The following NRXN1 variants were observed in gnomAD, a reference collection of about 807,000 sequenced individuals.
The protein encoded by NRXN1 is neurexin-1.
Under a neutral mutation model 150.9 loss-of-function variants are expected in NRXN1, and 39 were observed. The ratio of observed to expected loss-of-function variants is 0.26; its 90% CI spans 0.20 to 0.34. The LOEUF (loss-of-function observed/expected upper bound fraction) is 0.34. Ranked by LOEUF, NRXN1 falls within the 10% of genes least tolerant of loss-of-function variation. The probability of loss-of-function intolerance (pLI) is 1.00; values close to 1 mark genes in which losing one functional copy is unlikely to be tolerated. For synonymous variants in NRXN1, 924 were observed against 757.0 expected (o/e 1.22, Z -3.62); for missense variants, 1,815 against 1,949.9 (o/e 0.93, Z 1.30).
chr2:50,597,967 C>T (rs1260595030), intron 8 of NRXN1, among the ~76,000 whole-genome samples: 1 of 151,946 alleles, frequency 6.6e-6, no homozygotes, highest in Non-Finnish European at 1.5e-5. Flanking sequence ...GGTGAAACGT[C>T]ATCTTTACCA....
chr2:50,281,612 C>T (rs1308467987), intron 17 of NRXN1, among the ~76,000 whole-genome samples: 1 of 151,966 alleles, frequency 6.6e-6, no homozygotes, highest in East Asian at 1.9e-4. Flanking sequence ...TGTTCCTGGT[C>T]CCTGCACTAA....
Position 49,974,275 on chromosome 2 carries a change from CG to C in NRXN1, c.4129-30485del, listed in dbSNP as rs1460006449. The C allele has an allele frequency of 2.9e-5, 17 of 581,702 alleles. No individual in the cohort carries two copies. The Admixed American group carries it at 4.0e-4, about 14-fold the overall frequency. The allele number at this position is 581,702 out of a possible 1,614,324, so 36.0% of individuals were successfully genotyped here. ...ACGGCAGGAAGGGATGCTGCAGTTC[CG>C]TCTGCAGTTGACGAGGCTGTTGGTA... On this transcript the variant is annotated intron_variant, in intron 21 of 22. Coordinates refer to ENST00000401669, the MANE Select transcript of NRXN1 (RefSeq NM_001330078.2).
intron 5 of NRXN1, among the ~76,000 whole-genome samples, chr2:50,864,342 T>C (rs1360247783): frequency 6.6e-6 from 1 of 152,054 alleles, no homozygotes; most frequent in Non-Finnish European, 1.5e-5. Flanking sequence ...CAGCCTGATT[T>C]CAAGCTCCCT....
chr2:50,247,438 T>A (rs568719128), intron 17 of NRXN1, among the ~76,000 whole-genome samples: 1 of 152,248 alleles, frequency 6.6e-6, no homozygotes, highest in Admixed American at 6.5e-5. Context: ...AACCAGGTGA[T>A]CAAAGCTAGC....
In NRXN1 at chr2:50,512,219, C is replaced by T. The variant is rs185723795; in HGVS notation, c.2375-5602G>A. On this transcript the variant is annotated intron_variant, in intron 12 of 22. Transcript: ENST00000401669. ...TGCAAGCTTTTTATTTTTATTATTA[C>T]TGTTACTAATTTCATCACTTTTGTT... Among the ~76,000 whole-genome samples the T allele has an allele frequency of 3.2e-4, 48 of 152,186 alleles. 1 individual carries two copies. The East Asian group carries it at 8.9e-3, about 28-fold the overall frequency.
Position 50,401,492 on chromosome 2 carries a change from T to C in NRXN1, c.3364+63950A>G, listed in dbSNP as rs144998253. On this transcript the variant is annotated intron_variant, in intron 17 of 22. Coordinates refer to ENST00000401669, the MANE Select transcript of NRXN1 (RefSeq NM_001330078.2). The stretch of plus-strand genomic sequence containing the variant: ...GGAGGGAGAGGGCTTAAGTGGCCCA[T>C]AAAACTAAAATTTCTAAGATTCCTT... Among the ~76,000 whole-genome samples, 75 of 152,162 alleles carry C rather than the reference T, an allele frequency of 4.9e-4. 1 individual carries two copies. The highest frequency in any genetic ancestry group is 1.7e-3 in the African/African-American group (71 of 41,532).
At chr2:50,748,093 C>T (rs1474558256) in intron 5 of NRXN1, among the ~76,000 whole-genome samples, 16 of 152,158 alleles carry the variant, frequency 1.1e-4, no homozygotes. Flanking sequence ...TGGGTACTGT[C>T]CCCACGTATA....
chr2:50,735,465 T>G (rs1420424589), intron 5 of NRXN1, among the ~76,000 whole-genome samples: 1 of 152,072 alleles, frequency 6.6e-6, no homozygotes, highest in African/African-American at 2.4e-5. Context: ...GAGACTCACT[T>G]GTAGAAGCCA....
chr2:50,656,288 A>C, intron 5 of NRXN1: 1 of 709,744 alleles, frequency 1.4e-6, no homozygotes, highest in Non-Finnish European at 2.6e-6. Context: ...GAAATTAAAT[A>C]GGCTTTTAAA....
intron 5 of NRXN1, among the ~76,000 whole-genome samples, chr2:50,693,664 A>T (rs1692386206): frequency 6.6e-6 from 1 of 152,238 alleles, no homozygotes; most frequent in Non-Finnish European, 1.5e-5. Context: ...TGAAGGGAAA[A>T]TAAAGAGATG....
chr2:50,062,124 T>C (rs1694637990), intron 19 of NRXN1, among the ~76,000 whole-genome samples: 1 of 152,214 alleles, frequency 6.6e-6, no homozygotes, highest in Non-Finnish European at 1.5e-5. Flanking sequence ...GTATACCCTC[T>C]ATTTTGATTA....
At chr2:50,606,019 C>G (rs1040247432) in intron 8 of NRXN1, among the ~76,000 whole-genome samples, 3 of 151,918 alleles carry the variant, frequency 2.0e-5, no homozygotes, top group Admixed American at 6.6e-5. Context: ...GAGGCCAAGG[C>G]AGGCAGATCG....
chr2:50,664,003 C>A (rs1235889093), intron 5 of NRXN1, among the ~76,000 whole-genome samples: 1 of 151,962 alleles, frequency 6.6e-6, no homozygotes, highest in Non-Finnish European at 1.5e-5. Context: ...ATTTCAAATA[C>A]AATCTTTATA....
intron 18 of NRXN1, among the ~76,000 whole-genome samples, chr2:50,181,716 G>A (rs1408156883): frequency 1.3e-5 from 2 of 151,908 alleles, no homozygotes; most frequent in African/African-American, 4.8e-5. Flanking sequence ...ACTTGAATGA[G>A]AATAATGGAT....
intron 5 of NRXN1, among the ~76,000 whole-genome samples, chr2:50,712,146 A>T (rs1695250452): frequency 6.6e-6 from 1 of 151,916 alleles, no homozygotes; most frequent in African/African-American, 2.4e-5. Flanking sequence ...TAATCTTCAC[A>T]AAGATGCCAT....
chr2:50,371,054 G>A (rs2079986511), intron 17 of NRXN1, among the ~76,000 whole-genome samples: 1 of 151,784 alleles, frequency 6.6e-6, no homozygotes, highest in Non-Finnish European at 1.5e-5. Context: ...ATGCATGATT[G>A]TATATATATA....
chr2:50,953,249 G>A (rs1248043964), intron 2 of NRXN1, among the ~76,000 whole-genome samples: 1 of 152,154 alleles, frequency 6.6e-6, no homozygotes, highest in Non-Finnish European at 1.5e-5. Flanking sequence ...ATACCTCAAT[G>A]TCTCTGAGTC....
Position 50,623,302 on chromosome 2 carries a change from C to T in NRXN1, c.1134+12G>A, listed in dbSNP as rs1416319281. 6.2e-7 allele frequency: 1 copy of T among 1,609,172 alleles called. No individual in the cohort carries two copies. Among genetic ancestry groups the T allele is most frequent in the South Asian group, 1.1e-5 (1 of 90,924 alleles). The stretch of plus-strand genomic sequence containing the variant: ...ACAAAGCCAGTTACTCTCTTATCCA[C>T]TGCGCTGTTACCTGACGCAGATTCC... On this transcript the variant is annotated intron_variant, in intron 6 of 22. Transcript: ENST00000401669.
chr2:50,872,788 A>G (rs1163828313), intron 5 of NRXN1, among the ~76,000 whole-genome samples: 1 of 151,708 alleles, frequency 6.6e-6, no homozygotes, highest in East Asian at 2.0e-4. Context: ...TCTTGTCTCT[A>G]CAAAAGAATA....
Sources: allele counts gnomAD v4.1 joint callset (sites outside exome capture counted in the v4.1 genomes callset), GRCh38; gene constraint gnomAD v4.1.1; transcripts MANE v1.5; gene names NCBI Gene and HGNC (gene_info 2026-07-23, HGNC 2026-07-21).